The following IDE variants were observed in gnomAD, a reference collection of about 807,000 sequenced individuals.
IDE encodes insulin-degrading enzyme.
Under a neutral mutation model 133.2 loss-of-function variants are expected in IDE, and 58 were observed. The ratio of observed to expected loss-of-function variants is 0.44; its 90% CI spans 0.35 to 0.54. The LOEUF (loss-of-function observed/expected upper bound fraction) is 0.54. Ranked by LOEUF, IDE falls within the 20% of genes least tolerant of loss-of-function variation. The pLI is 0.00. For missense variants in IDE, 981 were observed against 1,234.0 expected, an observed-to-expected ratio of 0.79 and a Z score of 3.07; for synonymous variants, 396 against 421.3, an observed-to-expected ratio of 0.94 and a Z score of 0.73.
intron 9 of IDE, among the ~76,000 whole-genome samples, chr10:92,506,768 A>T (rs1848313225): frequency 6.6e-6 from 1 of 152,202 alleles, no homozygotes; most frequent in Non-Finnish European, 1.5e-5. Flanking sequence ...AACAACTTTC[A>T]ATGAAAATAA....
At chr10:92,573,626 C>T (rs1031092226) in intron 1 of IDE, among the ~76,000 whole-genome samples, 2 of 152,218 alleles carry the variant, frequency 1.3e-5, no homozygotes, top group Non-Finnish European at 2.9e-5. Flanking sequence ...TCTGTCCGCC[C>T]CTGCGCCCCC....
chr10:92,565,880 T>C (rs938189787), intron 1 of IDE, among the ~76,000 whole-genome samples: 6 of 152,096 alleles, frequency 3.9e-5, no homozygotes, highest in Non-Finnish European at 7.3e-5. Flanking sequence ...GAAGACAATA[T>C]AATGGCCAAC....
chr10:92,485,201 C>T (rs560221498), intron 13 of IDE, among the ~76,000 whole-genome samples: 1 of 140,704 alleles, frequency 7.1e-6, no homozygotes, highest in Admixed American at 7.6e-5. Flanking sequence ...GATCTCGGCT[C>T]ACCACAATCT....
At chr10:92,479,970 A>G (rs1846510656) in intron 14 of IDE, among the ~76,000 whole-genome samples, 1 of 152,250 alleles carries the variant, frequency 6.6e-6, no homozygotes, top group South Asian at 2.1e-4. Context: ...CAGTAAAGCT[A>G]GAGAACTGTC....
At chr10:92,553,007 T>C (rs1345281847) in intron 1 of IDE, among the ~76,000 whole-genome samples, 1 of 151,492 alleles carries the variant, frequency 6.6e-6, no homozygotes, top group East Asian at 1.9e-4. Flanking sequence ...GGAGCCAAAA[T>C]GAAGAAACTC....
At chr10:92,526,578 G>A (rs1255875830) in intron 4 of IDE, among the ~76,000 whole-genome samples, 1 of 152,108 alleles carries the variant, frequency 6.6e-6, no homozygotes, top group East Asian at 1.9e-4. Context: ...GGGCATGATG[G>A]TTCATGCCTG....
intron 4 of IDE, among the ~76,000 whole-genome samples, chr10:92,516,233 T>A (rs182589273): frequency 5.6e-4 from 83 of 148,418 alleles, no homozygotes; most frequent in African/African-American, 1.9e-3. Flanking sequence ...GTGGCTCACA[T>A]CTGTAATCCC....
At chr10:92,544,609 A>G (rs1198064308) in intron 1 of IDE, among the ~76,000 whole-genome samples, 1 of 152,190 alleles carries the variant, frequency 6.6e-6, no homozygotes. Context: ...CCTGTTTATC[A>G]CCCTCACAGT....
intron 17 of IDE, among the ~76,000 whole-genome samples, chr10:92,472,480 G>T (rs1336804759): frequency 1.3e-5 from 2 of 152,144 alleles, no homozygotes; most frequent in Admixed American, 6.5e-5. Context: ...GTTCTAGTAA[G>T]TGATTTTTAT....
At chr10:92,465,237 A>T (rs1845614818) in intron 20 of IDE, among the ~76,000 whole-genome samples, 5 of 152,082 alleles carry the variant, frequency 3.3e-5, no homozygotes, top group Admixed American at 3.3e-4. Flanking sequence ...GTACCTCAAG[A>T]CTTTTAACAG....
In IDE at chr10:92,453,296, T is replaced by A. The variant is rs1222045908; in HGVS notation, c.*1148A>T. The stretch of plus-strand genomic sequence containing the variant: ...AATAGTATCTCATGAAAAAAATATT[T>A]TTTTAAAAGTCTACTCCAGTCATCA... On this transcript the variant is annotated 3_prime_UTR_variant, in exon 25 of 25. Transcript: ENST00000265986. 2.0e-5 allele frequency: 3 copies of A among 152,186 alleles called. No homozygotes were observed. The highest frequency in any genetic ancestry group is 4.4e-5 in the Non-Finnish European group (3 of 68,026). 9.4% of individuals were successfully genotyped at this position (152,186 alleles called of 1,614,324 possible).
At chr10:92,455,523 CTAAATAG>C in intron 24 of IDE, 46 bp downstream of exon 24, 2 of 1,115,264 alleles carry the variant, frequency 1.8e-6, no homozygotes, top group Non-Finnish European at 2.7e-6. Flanking sequence ...GCTGCTTCTT[CTAAATAG>C]AAAGTCCTCT....
intron 13 of IDE, among the ~76,000 whole-genome samples, chr10:92,485,523 G>C (rs991046427): frequency 2.6e-5 from 4 of 152,164 alleles, no homozygotes; most frequent in African/African-American, 9.7e-5. Flanking sequence ...TACTTATCTT[G>C]CCTCTCCACT....
chr10:92,475,927 G>C lies in IDE; in HGVS notation c.1952C>G (p.Thr651Ser). The C allele has an allele frequency of 6.5e-7, 1 of 1,540,686 alleles. No individual in the cohort carries two copies. Among genetic ancestry groups the C allele is most frequent in the Non-Finnish European group, 8.9e-7 (1 of 1,126,098 alleles). ...AAATCTTTTTTCATCAATCTCAAAG[G>C]TAGCCATTTTCTCAATAATCTTCTT... ...LLKKIIEKMATFEIDEKRFEI... is the reference protein window; with the variant it reads ...LLKKIIEKMASFEIDEKRFEI... Residue 651 changes from threonine (T) to serine (S), a missense_variant, in exon 16 of 25, where the codon ACC (threonine) becomes AGC (serine). Transcript: ENST00000265986.
At chr10:92,497,168 C>G (rs1847752669) in intron 11 of IDE, among the ~76,000 whole-genome samples, 1 of 152,200 alleles carries the variant, frequency 6.6e-6, no homozygotes, top group Non-Finnish European at 1.5e-5. Flanking sequence ...AGGCACATGA[C>G]AAAGACTCTA....
intron 11 of IDE, among the ~76,000 whole-genome samples, chr10:92,499,767 C>G (rs760920445): frequency 1.3e-5 from 2 of 152,096 alleles, no homozygotes; most frequent in Non-Finnish European, 2.9e-5. Context: ...TTTTCATGTT[C>G]TATCTGAGAA....
At chr10:92,485,127 T>TTC (rs1173913429) in intron 13 of IDE, among the ~76,000 whole-genome samples, 1 of 54,926 alleles carries the variant, frequency 1.8e-5, no homozygotes, top group African/African-American at 5.0e-5. Context: ...CTTTCTTTCT[T>TTC]TTTTTTTTTT....
chr10:92,464,924 C>G (rs1845593855), intron 20 of IDE, among the ~76,000 whole-genome samples: 1 of 152,238 alleles, frequency 6.6e-6, no homozygotes. Flanking sequence ...CCCGCCGCAG[C>G]CTCCCAAAGT....
At chr10:92,565,190 G>A (rs1440637758) in intron 1 of IDE, among the ~76,000 whole-genome samples, 3 of 150,332 alleles carry the variant, frequency 2.0e-5, no homozygotes, top group Non-Finnish European at 4.4e-5. Flanking sequence ...GCTGCAGTGG[G>A]TCAAGATCTC....
Sources: gnomAD v4.1 joint callset for allele counts (sites outside exome capture counted in the v4.1 genomes callset) on GRCh38, gnomAD v4.1.1 for gene constraint, MANE v1.5 for transcripts, NCBI Gene and HGNC (gene_info 2026-07-23, HGNC 2026-07-21) for gene names.